Variants in CHERP observed in about 807,000 individuals in gnomAD.
CHERP encodes the protein ERPROT 213-21.
Under a neutral mutation model 113.8 loss-of-function variants are expected in CHERP, and 8 were observed. The ratio of observed to expected loss-of-function variants is 0.07; its 90% CI spans 0.04 to 0.13. The LOEUF (loss-of-function observed/expected upper bound fraction) is 0.13, where lower values mean the gene tolerates loss of function less well. Ranked by LOEUF, CHERP falls within the 10% of genes least tolerant of loss-of-function variation. CHERP has a pLI of 1.00. For synonymous variants in CHERP, 559 were observed against 524.5 expected (o/e 1.07, Z -0.90); for missense variants, 884 against 1,298.2 (o/e 0.68, Z 4.90).
intron 12 of CHERP, chr19:16,521,148 T>G (rs2085611029): frequency 3.4e-6 from 2 of 592,468 alleles, no homozygotes; most frequent in African/African-American, 1.9e-5. Context: ...GCTGAGGTGG[T>G]GGGGACCCAT....
chr19:16,519,616 C>T lies in CHERP; in HGVS notation c.2557+5G>A. On this transcript the variant is annotated splice_donor_5th_base_variant and intron_variant, in intron 16 of 16. Transcript: ENST00000546361. The surrounding 1 kb of genome is among the most constrained non-coding windows in gnomAD (Gnocchi z 6.0). ...TCCCGCGCCCTCCCCATTCCCTCGCCTTACCCATCTTCACCAGCATCTGAT... is the reference window on the plus strand; with the variant it reads ...TCCCGCGCCCTCCCCATTCCCTCGCTTTACCCATCTTCACCAGCATCTGAT... The T allele has an allele frequency of 6.2e-7, 1 of 1,613,484 alleles. No homozygotes were observed.
Position 16,523,375 on chromosome 19 carries a change from G to A in CHERP, c.1742-85C>T. The A allele has an allele frequency of 6.6e-7, 1 of 1,518,976 alleles. No homozygotes were observed. The highest frequency in any genetic ancestry group is 8.9e-7 in the Non-Finnish European group (1 of 1,118,332). 94.1% of individuals were successfully genotyped at this position (1,518,976 alleles called of 1,614,324 possible). On this transcript the variant is annotated intron_variant, in intron 10 of 16. Coordinates refer to ENST00000546361, the MANE Select transcript of CHERP (RefSeq NM_006387.6). This position sits in a 1 kb window ranked among gnomAD's most constrained non-coding sequence, Gnocchi z 4.0. ...TGCTGGAGGGGAGGGGCTCAGTGAAGGGCCAGGAGACGAACCCCTCCTGGG... is the reference window on the plus strand; with the variant it reads ...TGCTGGAGGGGAGGGGCTCAGTGAAAGGCCAGGAGACGAACCCCTCCTGGG...
chr19:16,531,281 T>C (rs2085702276), intron 5 of CHERP, among the ~76,000 whole-genome samples: 1 of 152,156 alleles, frequency 6.6e-6, no homozygotes, highest in Non-Finnish European at 1.5e-5. Flanking sequence ...TGTCACTCAC[T>C]ATGCACAAGG....
At position 16,525,040 on chromosome 19, in the gene CHERP, C is replaced by G. The variant is rs547022421; in HGVS notation, c.1741+202G>C. Reference sequence around the variant, plus strand: ...TGGCTCTGCCTCATCTGCAGCCAGCCGGGCCTCATCAGGGCGGCAAAACTG... The same window carrying G: ...TGGCTCTGCCTCATCTGCAGCCAGCGGGGCCTCATCAGGGCGGCAAAACTG... On this transcript the variant is annotated intron_variant, in intron 10 of 16. Coordinates refer to ENST00000546361, the MANE Select transcript of CHERP (RefSeq NM_006387.6). The surrounding 1 kb of genome is among the most constrained non-coding windows in gnomAD (Gnocchi z 6.5). Among the ~76,000 whole-genome samples, 1 of 152,214 alleles carries G rather than the reference C, an allele frequency of 6.6e-6. No homozygotes were observed.
rs200966843 is a variant in CHERP, at chr19:16,523,184, G to A, written c.1848C>T (p.Pro616=). Residue 616 remains proline (P), a synonymous_variant, in exon 11 of 17, where the codon CCC becomes CCT. Coordinates refer to ENST00000546361, the MANE Select transcript of CHERP (RefSeq NM_006387.6). This position sits in a 1 kb window ranked among gnomAD's most constrained non-coding sequence, Gnocchi z 4.0. The part of the protein sequence containing the change: ...GPQHPDFGPP[P]HGFNGQPPHM... The stretch of plus-strand genomic sequence containing the variant: ...GTGGGGGCTGCCCGTTGAAGCCATG[G>A]GGGGGAGGGCCGAAGTCAGGGTGCT... The A allele has an allele frequency of 1.3e-4, 202 of 1,575,394 alleles. No homozygotes were observed. Among genetic ancestry groups the A allele is most frequent in the Non-Finnish European group, 1.7e-4 (193 of 1,163,960 alleles).
chr19:16,519,700 C>G lies in CHERP; in HGVS notation c.2478G>C (p.Leu826=), dbSNP rs775995030. Reference sequence around the variant, plus strand: ...GGATGGGAGGCGCCGAATTAGAACCCAGACCAGCAGAGGAACTAAAATCGA... The same window carrying G: ...GGATGGGAGGCGCCGAATTAGAACCGAGACCAGCAGAGGAACTAAAATCGA... ...RSPTPPSSAG[L]GSNSAPPIPD... Residue 826 remains leucine, a synonymous_variant, in exon 16 of 17, where the codon CTG becomes CTC. Transcript: ENST00000546361. This position sits in a 1 kb window ranked among gnomAD's most constrained non-coding sequence, Gnocchi z 6.0. 3.1e-6 allele frequency: 5 copies of G among 1,613,804 alleles called. No individual in the cohort carries two copies. Among genetic ancestry groups the G allele is most frequent in the Non-Finnish European group, 4.2e-6 (5 of 1,179,790 alleles).
intron 9 of CHERP, among the ~76,000 whole-genome samples, chr19:16,526,531 G>A (rs902972991): frequency 1.3e-5 from 2 of 152,248 alleles, no homozygotes; most frequent in Middle Eastern, 3.4e-3. Context: ...GCAGTGGCGC[G>A]ATCTTGGCTC....
chr19:16,520,212 G>C lies in CHERP; in HGVS notation c.2399C>G (p.Ser800Cys). 6.2e-7 allele frequency: 1 copy of C among 1,613,444 alleles called. No individual in the cohort carries two copies. Among genetic ancestry groups the C allele is most frequent in the Non-Finnish European group, 8.5e-7 (1 of 1,180,018 alleles). Residue 800 changes from serine (S) to cysteine (C), a missense_variant, in exon 15 of 17, where the codon TCC (serine) becomes TGC (cysteine). By Grantham distance (112) the Ser-to-Cys change is moderately radical. Around this residue, in one of 8 missense-constraint regions of CHERP, gnomAD observed 159 missense variants for 185.8 expected, o/e 0.86. Transcript: ENST00000546361. The surrounding 1 kb of genome is among the most constrained non-coding windows in gnomAD (Gnocchi z 4.0). The part of the protein sequence containing the change: ...SRSRSRSQSR[S>C]RSKSYSPGRR... ...TCCTGGGGAGTACGACTTGGACCGG[G>C]ACCGCGACTGGGACCGGGAGCGGCT...
chr19:16,527,524 G>A (rs536781342), intron 9 of CHERP, among the ~76,000 whole-genome samples: 8 of 152,312 alleles, frequency 5.3e-5, no homozygotes, highest in African/African-American at 1.9e-4. Context: ...TGGAAGACCC[G>A]GGGCTGTGCC....
chr19:16,519,094 C>T lies in CHERP; in HGVS notation c.*65G>A, dbSNP rs1183746892. 5 of 1,422,942 alleles carry T rather than the reference C, an allele frequency of 3.5e-6. No individual in the cohort carries two copies. The African/African-American group carries it at 5.7e-5, about 16-fold the overall frequency. 88.1% of individuals were successfully genotyped at this position (1,422,942 alleles called of 1,614,324 possible). Reference sequence around the variant, plus strand: ...AGCTGTCACTGCAATCTTCCTCTGCCAGTCAGCCAGGAAGGTCCCACAGCC... The same window carrying T: ...AGCTGTCACTGCAATCTTCCTCTGCTAGTCAGCCAGGAAGGTCCCACAGCC... On this transcript the variant is annotated 3_prime_UTR_variant, in exon 17 of 17. Coordinates refer to ENST00000546361, the MANE Select transcript of CHERP (RefSeq NM_006387.6). This position sits in a 1 kb window ranked among gnomAD's most constrained non-coding sequence, Gnocchi z 6.0.
intron 2 of CHERP, among the ~76,000 whole-genome samples, chr19:16,537,156 T>C (rs921357493): frequency 6.6e-6 from 1 of 151,938 alleles, no homozygotes; most frequent in Non-Finnish European, 1.5e-5. Context: ...GCCTGGTGCC[T>C]GCTTGCCACT....
intron 2 of CHERP, among the ~76,000 whole-genome samples, chr19:16,538,601 T>C (rs2085756775): frequency 6.6e-6 from 1 of 152,092 alleles, no homozygotes; most frequent in African/African-American, 2.4e-5. Context: ...GAGAATCGCT[T>C]GAATCTGGGA....
intron 8 of CHERP, among the ~76,000 whole-genome samples, chr19:16,529,293 C>A (rs980423187): frequency 6.6e-6 from 1 of 152,226 alleles, no homozygotes; most frequent in African/African-American, 2.4e-5. Flanking sequence ...GCTGGGATTA[C>A]AAGCGTAAGC....
chr19:16,520,799 G>A lies in CHERP; in HGVS notation c.2201+27C>T, dbSNP rs560345842. 165 of 1,607,270 alleles carry A rather than the reference G, an allele frequency of 1.0e-4. No individual in the cohort carries two copies. Among genetic ancestry groups the A allele is most frequent in the Admixed American group, 7.2e-4 (43 of 60,006 alleles). The stretch of plus-strand genomic sequence containing the variant: ...CACAAGCTGTGGACCCTGGCCCCCC[G>A]GCCACTGCAGACATCTGCGCTTTTA... On this transcript the variant is annotated intron_variant, in intron 13 of 16. Coordinates refer to ENST00000546361, the MANE Select transcript of CHERP (RefSeq NM_006387.6). This position sits in a 1 kb window ranked among gnomAD's most constrained non-coding sequence, Gnocchi z 4.0.
chr19:16,542,244 G>A, intron 1 of CHERP, 110 bp downstream of exon 1: 1 of 1,148,270 alleles, frequency 8.7e-7, no homozygotes, highest in South Asian at 1.9e-5. Flanking sequence ...AGGCGAAGCC[G>A]CGAGGCCGAG....
intron 9 of CHERP, among the ~76,000 whole-genome samples, chr19:16,527,175 T>C (rs1358074402): frequency 6.6e-6 from 1 of 152,172 alleles, no homozygotes; most frequent in African/African-American, 2.4e-5. Flanking sequence ...GCAAAAAGAC[T>C]GAGCCTGGAG....
chr19:16,520,321 AG>A lies in CHERP; in HGVS notation c.2345+42del, dbSNP rs1286075093. On this transcript the variant is annotated intron_variant, in intron 14 of 16. Transcript: ENST00000546361. The surrounding 1 kb of genome is among the most constrained non-coding windows in gnomAD (Gnocchi z 4.0). Reference sequence around the variant, plus strand: ...CAGCCAGGCGTCGTGGGGAGGCCACAGGAAGAGGCCTCAGGCACTGCCCTGA... The same window carrying A: ...CAGCCAGGCGTCGTGGGGAGGCCACAGAAGAGGCCTCAGGCACTGCCCTGA... The A allele has an allele frequency of 6.2e-7, 1 of 1,610,818 alleles. No individual in the cohort carries two copies.
At position 16,541,885 on chromosome 19, in the gene CHERP, G is replaced by A. The variant is rs750503291; in HGVS notation, c.184C>T (p.Leu62=). The change falls in exon 2 of 17, where the codon CTG becomes TTG. Residue 62 remains leucine (L), a synonymous_variant. Coordinates refer to ENST00000546361, the MANE Select transcript of CHERP (RefSeq NM_006387.6). ...GGGGACTCACGCTGCTGCTGCTCCA[G>A]CGCCAGCTTGCACTTGTAGTAACTG... The part of the protein sequence containing the change: ...FYSYYKCKLA[L]EQQQLICKQQ... The A allele has an allele frequency of 7.4e-6, 12 of 1,612,702 alleles. No individual in the cohort carries two copies. The African/African-American group carries it at 1.3e-4, about 18-fold the overall frequency.
At position 16,525,484 on chromosome 19, in the gene CHERP, T is replaced by C; in HGVS notation, c.1499A>G (p.His500Arg). 6.4e-7 allele frequency: 1 copy of C among 1,553,416 alleles called. No homozygotes were observed. The highest frequency in any genetic ancestry group is 1.2e-5 in the South Asian group (1 of 84,500). ...SQFEGPWNSQ[H>R]EQPPWGGGQR... ...GCCCCCGCCCCAGGGCGGCTGCTCG[T>C]GCTGGCTGTTCCAGGGGCCCTCGAA... Residue 500 changes from histidine to arginine, a missense_variant, in exon 10 of 17, where the codon CAC becomes CGC. His to Arg is a conservative substitution (Grantham distance 29, BLOSUM62 0). This residue lies in a region of CHERP where 464 missense variants were observed against 590.1 expected (regional missense o/e 0.79). Coordinates refer to ENST00000546361, the MANE Select transcript of CHERP (RefSeq NM_006387.6). The surrounding 1 kb of genome is among the most constrained non-coding windows in gnomAD (Gnocchi z 6.5).
Sources: allele counts gnomAD v4.1 joint callset (sites outside exome capture counted in the v4.1 genomes callset), GRCh38; gene constraint gnomAD v4.1.1; regional missense constraint gnomAD v4.1.1; non-coding constraint Gnocchi (gnomAD v3.1); transcripts MANE v1.5; gene names NCBI Gene and HGNC (gene_info 2026-07-23, HGNC 2026-07-21).